The following ATP2B1 variants were observed in gnomAD, a reference collection of about 807,000 sequenced individuals.
ATP2B1 encodes the protein plasma membrane calcium-transporting ATPase 1.
ATP2B1 carries 14 observed loss-of-function variants against 124.2 expected under a neutral mutation model. The observed-to-expected ratio is 0.11, with a 90% CI of 0.07 to 0.18. The LOEUF (loss-of-function observed/expected upper bound fraction) is 0.18, where lower values mean the gene tolerates loss of function less well. Ranked by LOEUF, ATP2B1 falls within the 10% of genes least tolerant of loss-of-function variation. The pLI, the probability that ATP2B1 is intolerant of heterozygous loss-of-function variation, is 1.00. For synonymous variants in ATP2B1, 449 were observed against 492.4 expected, an observed-to-expected ratio of 0.91 and a Z score of 1.17; for missense variants, 763 against 1,466.1, an observed-to-expected ratio of 0.52 and a Z score of 7.83.
At chr12:89,633,408 C>G (rs928640842) in intron 5 of ATP2B1, among the ~76,000 whole-genome samples, 3 of 151,290 alleles carry the variant, frequency 2.0e-5, no homozygotes, top group African/African-American at 7.3e-5. Context: ...CCCATTAACT[C>G]GTCATTTAGC....
intron 1 of ATP2B1, among the ~76,000 whole-genome samples, chr12:89,673,522 C>G (rs1212236937): frequency 1.3e-5 from 2 of 152,202 alleles, no homozygotes; most frequent in African/African-American, 4.8e-5. Flanking sequence ...CAGATCTGGT[C>G]GTATATAACA....
intron 20 of ATP2B1, chr12:89,594,514 C>T (rs1218958024): frequency 6.6e-6 from 1 of 150,908 alleles, no homozygotes. Context: ...ATACTTATAC[C>T]CCTCGAAATT....
intron 20 of ATP2B1, among the ~76,000 whole-genome samples, chr12:89,592,195 T>C (rs1158992126): frequency 6.6e-6 from 1 of 152,054 alleles, no homozygotes; most frequent in African/African-American, 2.4e-5. Context: ...CATTAAGTGC[T>C]ATTAACTCAA....
Position 89,616,916 on chromosome 12 carries a change from T to C in ATP2B1, c.1953A>G (p.Ala651=). 1 of 1,614,156 alleles carries C rather than the reference T, an allele frequency of 6.2e-7. No homozygotes were observed. Residue 651 remains alanine (A), a synonymous_variant, in exon 12 of 21, where the codon GCA becomes GCG. Transcript: ENST00000428670. ...ASEGLRTICL[A]FRDFPAGEPE... Reference sequence around the variant, plus strand: ...GTTCTCCTGCTGGAAAATCTCTGAATGCAAGACATATGGTTCTCAAGCCTT... The same window carrying C: ...GTTCTCCTGCTGGAAAATCTCTGAACGCAAGACATATGGTTCTCAAGCCTT...
intron 2 of ATP2B1, among the ~76,000 whole-genome samples, chr12:89,644,128 A>AAAAG (rs372932847): frequency 2.0e-5 from 3 of 152,224 alleles, no homozygotes; most frequent in Admixed American, 6.5e-5. Context: ...TTTCCGAAAA[A>AAAAG]AAAGAAAGAA....
chr12:89,634,082 T>TC (rs772064641), intron 5 of ATP2B1, among the ~76,000 whole-genome samples: 9 of 152,104 alleles, frequency 5.9e-5, no homozygotes, highest in Non-Finnish European at 1.3e-4. Context: ...TTCAACTTAG[T>TC]TCAAGCTATC....
intron 1 of ATP2B1, among the ~76,000 whole-genome samples, chr12:89,707,075 A>C (rs1210672943): frequency 6.6e-6 from 1 of 152,196 alleles, no homozygotes; most frequent in Non-Finnish European, 1.5e-5. Context: ...GGATAAAGAA[A>C]AAGAGAGGGG....
intron 1 of ATP2B1, among the ~76,000 whole-genome samples, chr12:89,676,260 A>T (rs1355393565): frequency 1.3e-5 from 2 of 152,172 alleles, no homozygotes; most frequent in Admixed American, 1.3e-4. Context: ...CCTTGGATGT[A>T]CAAAATCATG....
In ATP2B1 at chr12:89,697,800, AC is replaced by A. The variant is rs1424281077; in HGVS notation, c.-222+10795del. Among the ~76,000 whole-genome samples, 22 of 149,798 alleles carry A rather than the reference AC, an allele frequency of 1.5e-4. No homozygotes were observed. The East Asian group carries it at 4.2e-3, about 28-fold the overall frequency. On this transcript the variant is annotated intron_variant, in intron 1 of 20. Coordinates refer to ENST00000428670, the MANE Select transcript of ATP2B1 (RefSeq NM_001366521.1). ...CTACTCTGAAGCAACTAGGAAAAGTACCCTCAAATCCTTCATCTCCACAAAT... is the reference window on the plus strand; with the variant it reads ...CTACTCTGAAGCAACTAGGAAAAGTACCTCAAATCCTTCATCTCCACAAAT...
chr12:89,699,063 G>A (rs905914212), intron 1 of ATP2B1, among the ~76,000 whole-genome samples: 2 of 152,098 alleles, frequency 1.3e-5, no homozygotes, highest in Non-Finnish European at 2.9e-5. Flanking sequence ...CAGTTCTCCC[G>A]TTTTGCCCCC....
intron 14 of ATP2B1, 32 bp downstream of exon 14, chr12:89,610,386 TAAG>T: frequency 6.5e-7 from 1 of 1,533,300 alleles, no homozygotes; most frequent in African/African-American, 1.4e-5. Context: ...ATTTCTGTAT[TAAG>T]AAATTGTGAA....
intron 15 of ATP2B1, among the ~76,000 whole-genome samples, chr12:89,605,469 G>A (rs1876664085): frequency 6.6e-6 from 1 of 152,128 alleles, no homozygotes; most frequent in Non-Finnish European, 1.5e-5. Flanking sequence ...CTCACTTGCG[G>A]TGTTCTCTTG....
chr12:89,607,519 T>C lies in ATP2B1; in HGVS notation c.2442+2418A>G, dbSNP rs544061481. 1.6e-3 allele frequency among the ~76,000 whole-genome samples: 251 copies of C among 152,316 alleles called. 1 individual carries two copies. Among genetic ancestry groups the C allele is most frequent in the African/African-American group, 5.7e-3 (239 of 41,568 alleles). The stretch of plus-strand genomic sequence containing the variant: ...TTCTAATGTTCCGGGACTGGAATAC[T>C]GAACACAGTCTCAATATTTGGAGTC... On this transcript the variant is annotated intron_variant, in intron 15 of 20. Transcript: ENST00000428670.
intron 2 of ATP2B1, among the ~76,000 whole-genome samples, chr12:89,654,524 G>C (rs997693773): frequency 3.3e-5 from 5 of 152,152 alleles, no homozygotes; most frequent in Admixed American, 2.6e-4. Flanking sequence ...AAGAAGCCCT[G>C]TTGGGACATG....
intron 1 of ATP2B1, among the ~76,000 whole-genome samples, chr12:89,686,324 C>T (rs1443683247): frequency 6.6e-6 from 1 of 152,052 alleles, no homozygotes. Flanking sequence ...TATCTACAAT[C>T]CATTGTAATT....
chr12:89,594,736 C>T (rs1157140082), intron 20 of ATP2B1: 1 of 151,800 alleles, frequency 6.6e-6, no homozygotes, highest in Non-Finnish European at 1.5e-5. Context: ...CAAACAAGAT[C>T]ATGTACCTAC....
chr12:89,608,707 C>G (rs1200210388), intron 15 of ATP2B1, among the ~76,000 whole-genome samples: 1 of 152,106 alleles, frequency 6.6e-6, no homozygotes, highest in Non-Finnish European at 1.5e-5. Context: ...ACATAACTGC[C>G]TTTCTGGTCA....
chr12:89,675,747 AAG>A (rs1888529221), intron 1 of ATP2B1, among the ~76,000 whole-genome samples: 1 of 152,324 alleles, frequency 6.6e-6, no homozygotes, highest in African/African-American at 2.4e-5. Context: ...TAAAACAGGT[AAG>A]AGAGGAGTCT....
At chr12:89,598,254 C>G (rs1050866015) in intron 20 of ATP2B1, among the ~76,000 whole-genome samples, 1 of 152,034 alleles carries the variant, frequency 6.6e-6, no homozygotes, top group Non-Finnish European at 1.5e-5. Context: ...AGGAAACATG[C>G]AATATAAACA....
Sources: allele counts gnomAD v4.1 joint callset (sites outside exome capture counted in the v4.1 genomes callset), GRCh38; gene constraint gnomAD v4.1.1; transcripts MANE v1.5; gene names NCBI Gene and HGNC (gene_info 2026-07-23, HGNC 2026-07-21).